FBRS: variants seen among roughly 807,000 people sequenced by gnomAD.
FBRS encodes fibrosin, also known as probable fibrosin-1.
Under a neutral mutation model 86.1 loss-of-function variants are expected in FBRS, and 15 were observed. The ratio of observed to expected loss-of-function variants is 0.17; its 90% CI spans 0.12 to 0.27. The LOEUF is 0.27. Ranked by LOEUF, FBRS falls within the 10% of genes least tolerant of loss-of-function variation. The pLI is 1.00. For missense variants in FBRS, 1,367 were observed against 1,301.6 expected (o/e 1.05, Z -0.77); for synonymous variants, 666 against 575.8 (o/e 1.16, Z -2.24).
chr16:30,663,360 G>A (rs761173011), intron 6 of FBRS, among the ~76,000 whole-genome samples: 1 of 152,164 alleles, frequency 6.6e-6, no homozygotes, highest in African/African-American at 2.4e-5. Flanking sequence ...CCCAAAGTGT[G>A]TACATTCAGC....
chr16:30,668,654 G>A lies in FBRS; in HGVS notation c.2158+11G>A, dbSNP rs778928405. On this transcript the variant is annotated intron_variant, in intron 16 of 17. Transcript: ENST00000356166. ...GCAGCCCCACATTCAGTGAGTGCGGGTGCGGTGGGGTGGGGGGGCTGCGGC... is the reference window on the plus strand; with the variant it reads ...GCAGCCCCACATTCAGTGAGTGCGGATGCGGTGGGGTGGGGGGGCTGCGGC... 2 of 1,596,982 alleles carry A rather than the reference G, an allele frequency of 1.3e-6. No homozygotes were observed. The highest frequency in any genetic ancestry group is 1.1e-5 in the South Asian group (1 of 90,606).
intron 6 of FBRS, chr16:30,663,233 T>G: frequency 5.1e-6 from 1 of 195,718 alleles, no homozygotes; most frequent in Non-Finnish European, 1.0e-5. Context: ...TGTGTGATTT[T>G]TGACAAGTCA....
chr16:30,661,467 T>TTTGGGAGGAACGGGGGTGGA (rs2052460907), intron 4 of FBRS, 134 bp downstream of exon 4: 6 of 1,508,314 alleles, frequency 4.0e-6, no homozygotes, highest in Admixed American at 4.1e-5. Context: ...GGATTAGGTT[T>TTTGGGAGGAACGGGGGTGGA]TTGGGAGGAA....
At chr16:30,667,086 G>A (rs1200966933) in intron 13 of FBRS, 96 bp downstream of exon 13, 2 of 1,277,192 alleles carry the variant, frequency 1.6e-6, no homozygotes, top group Non-Finnish European at 2.2e-6. Context: ...CAGAATCTTG[G>A]CCAGAAACAT....
Position 30,668,544 on chromosome 16 carries a change from C to G in FBRS, c.2075-16C>G. ...CGGCTGCCCAGTGCTCTGACCACCC[C>G]CCTTTCCTCCCACAGATCCCTTTGG... On this transcript the variant is annotated splice_polypyrimidine_tract_variant and intron_variant, in intron 15 of 17. Coordinates refer to ENST00000356166, the MANE Select transcript of FBRS (RefSeq NM_001105079.3). 6.2e-7 allele frequency: 1 copy of G among 1,606,092 alleles called. No homozygotes were observed. Among genetic ancestry groups the G allele is most frequent in the African/African-American group, 1.3e-5 (1 of 74,866 alleles).
chr16:30,662,393 ACT>A (rs768120661), intron 4 of FBRS, 25 bp from the exon 5 acceptor site: 29 of 1,549,184 alleles, frequency 1.9e-5, no homozygotes, highest in African/African-American at 4.1e-5. Flanking sequence ...CCACAACCTA[ACT>A]CTATCCCTTG....
chr16:30,665,556 G>A lies in FBRS; in HGVS notation c.1705-82G>A. On this transcript the variant is annotated intron_variant, in intron 10 of 17. Transcript: ENST00000356166. The surrounding 1 kb of genome is among the most constrained non-coding windows in gnomAD (Gnocchi z 4.1). ...TTCTCCAAAGCCATGATCCCTCCCT[G>A]CCCAGTGTCCCAGCTTGGTTCTGGA... 3 of 1,491,464 alleles carry A rather than the reference G, an allele frequency of 2.0e-6. No individual in the cohort carries two copies. The highest frequency in any genetic ancestry group is 2.7e-6 in the Non-Finnish European group (3 of 1,092,170). The allele number at this position is 1,491,464 out of a possible 1,614,324, so 92.4% of individuals were successfully genotyped here. A position where few individuals can be genotyped will look rare whatever the true frequency, so the allele number is the denominator to read the frequency against.
chr16:30,666,118 A>G, intron 11 of FBRS: 1 of 406,862 alleles, frequency 2.5e-6, no homozygotes, highest in African/African-American at 2.0e-5. Context: ...ACGTTGTGAA[A>G]CGCACAGGAC....
Position 30,661,226 on chromosome 16 carries a change from T to G in FBRS, c.675+11T>G. 2 of 1,550,794 alleles carry G rather than the reference T, an allele frequency of 1.3e-6. 1 individual carries two copies. The highest frequency in any genetic ancestry group is 2.4e-5 in the South Asian group (2 of 84,066). On this transcript the variant is annotated intron_variant, in intron 3 of 17. Coordinates refer to ENST00000356166, the MANE Select transcript of FBRS (RefSeq NM_001105079.3). ...GAAGCTGGATACATAGTAAGTGCTA[T>G]CCACCTGTCCTGGCCCCTCCCTGCT...
Position 30,666,904 on chromosome 16 carries a change from CT to C in FBRS, c.1804-13del. The C allele has an allele frequency of 8.1e-6, 13 of 1,610,234 alleles. No homozygotes were observed. Among genetic ancestry groups the C allele is most frequent in the Non-Finnish European group, 1.1e-5 (13 of 1,178,296 alleles). The stretch of plus-strand genomic sequence containing the variant: ...TTCCTTCCCTTTCCCTTTGGTCATC[CT>C]TCTGGGGCGGCAGAAACCAGGGAAG... On this transcript the variant is annotated splice_polypyrimidine_tract_variant and intron_variant, in intron 12 of 17. Coordinates refer to ENST00000356166, the MANE Select transcript of FBRS (RefSeq NM_001105079.3).
chr16:30,663,980 G>A (rs1268705785), intron 6 of FBRS, among the ~76,000 whole-genome samples: 1 of 152,186 alleles, frequency 6.6e-6, no homozygotes, highest in Non-Finnish European at 1.5e-5. Flanking sequence ...GCCAGAGATG[G>A]CAGAGGCAGC....
chr16:30,660,996 G>C (rs2052453042), intron 2 of FBRS, among the ~76,000 whole-genome samples, 184 bp from the exon 3 acceptor site: 1 of 152,210 alleles, frequency 6.6e-6, no homozygotes, highest in Non-Finnish European at 1.5e-5. Flanking sequence ...GAAGACGTGA[G>C]GACCCGGCGT....
intron 15 of FBRS, 140 bp downstream of exon 15, chr16:30,667,762 C>A (rs541872105): frequency 7.5e-6 from 5 of 667,268 alleles, no homozygotes; most frequent in Non-Finnish European, 4.7e-6. Context: ...TACTCTACCC[C>A]CTCTGAGCCT....
chr16:30,665,821 C>T lies in FBRS; in HGVS notation c.1773+115C>T. The T allele has an allele frequency of 3.9e-6, 4 of 1,022,132 alleles. No homozygotes were observed. Among genetic ancestry groups the T allele is most frequent in the Non-Finnish European group, 5.8e-6 (4 of 689,628 alleles). 63.3% of individuals were successfully genotyped at this position (1,022,132 alleles called of 1,614,324 possible). A position where few individuals can be genotyped will look rare whatever the true frequency, so the allele number is the denominator to read the frequency against. On this transcript the variant is annotated intron_variant, in intron 11 of 17. Coordinates refer to ENST00000356166, the MANE Select transcript of FBRS (RefSeq NM_001105079.3). The surrounding 1 kb of genome is among the most constrained non-coding windows in gnomAD (Gnocchi z 4.1). ...TCCCTTGAATTCACAATCGGGTGTT[C>T]CTGGGTGTCTAATAGAGAGGGAATT... is the stretch of plus-strand genomic sequence containing the variant.
At chr16:30,664,566 G>T in intron 7 of FBRS, 50 bp downstream of exon 7, 1 of 1,426,900 alleles carries the variant, frequency 7.0e-7, no homozygotes, top group Non-Finnish European at 9.1e-7. Context: ...CCCCGGGCTC[G>T]GGCCCAGTTG....
In FBRS at chr16:30,664,398, G is replaced by A; in HGVS notation, c.1239G>A (p.Arg413=). ...STHSFPPPGL[R]PPPPPHHPSL... ...ACAGCTTTCCCCCTCCCGGGCTGCG[G>A]CCCCCCCCACCACCCCACCACCCCT... The change falls in exon 7 of 18, where the codon CGG becomes CGA. Residue 413 remains arginine, a synonymous_variant. Coordinates refer to ENST00000356166, the MANE Select transcript of FBRS (RefSeq NM_001105079.3). 1 of 1,376,502 alleles carries A rather than the reference G, an allele frequency of 7.3e-7. No homozygotes were observed. Among genetic ancestry groups the A allele is most frequent in the Non-Finnish European group, 9.7e-7 (1 of 1,026,074 alleles). 85.3% of individuals were successfully genotyped at this position (1,376,502 alleles called of 1,614,324 possible).
At position 30,669,072 on chromosome 16, in the gene FBRS, C is replaced by A. The variant is rs757017507; in HGVS notation, c.2370C>A (p.Asp790Glu). 1 of 1,598,736 alleles carries A rather than the reference C, an allele frequency of 6.3e-7. No homozygotes were observed. The highest frequency in any genetic ancestry group is 8.5e-7 in the Non-Finnish European group (1 of 1,174,112). Residue 790 changes from aspartate (D) to glutamate (E), a missense_variant, in exon 18 of 18, where the codon GAC becomes GAA. This residue lies in a region of FBRS where 659 missense variants were observed against 678.8 expected (regional missense o/e 0.97). Coordinates refer to ENST00000356166, the MANE Select transcript of FBRS (RefSeq NM_001105079.3). This position sits in a 1 kb window ranked among gnomAD's most constrained non-coding sequence, Gnocchi z 5.9. ...PSITKEEKDR[D>E]LPFSRPQLRV... Reference sequence around the variant, plus strand: ...TCTCCCCACGCCTGCCCTCCAGGGACCTCCCCTTCTCACGGCCCCAGCTCC... The same window carrying A: ...TCTCCCCACGCCTGCCCTCCAGGGAACTCCCCTTCTCACGGCCCCAGCTCC...
chr16:30,670,006 C>T lies in FBRS; in HGVS notation c.*361C>T. Reference sequence around the variant, plus strand: ...ACTAAGCCAGAGGCCAAAGTGCCCCCTCCCGTTCACCTACCACCCAAGTCC... The same window carrying T: ...ACTAAGCCAGAGGCCAAAGTGCCCCTTCCCGTTCACCTACCACCCAAGTCC... On this transcript the variant is annotated 3_prime_UTR_variant, in exon 18 of 18. Coordinates refer to ENST00000356166, the MANE Select transcript of FBRS (RefSeq NM_001105079.3). 1 of 514,654 alleles carries T rather than the reference C, an allele frequency of 1.9e-6. No individual in the cohort carries two copies. The highest frequency in any genetic ancestry group is 3.7e-6 in the Non-Finnish European group (1 of 270,610). 31.9% of individuals were successfully genotyped at this position (514,654 alleles called of 1,614,324 possible).
Position 30,667,368 on chromosome 16 carries a change from C to A in FBRS, c.1924C>A (p.Pro642Thr). ...DFRNDLLPCL[P>T]GPYGALPPGQ... ...TCGGAATGACCTCCTGCCCTGCCTT[C>A]CGGGGCCCTATGGGGCCCTGCCCCC... Residue 642 changes from proline to threonine, a missense_variant, in exon 14 of 18, where the codon CCG becomes ACG. By Grantham distance (38) the Pro-to-Thr change is conservative. Around this residue, in one of 3 missense-constraint regions of FBRS, gnomAD observed 659 missense variants for 678.8 expected, o/e 0.97. Transcript: ENST00000356166. 6.4e-7 allele frequency: 1 copy of A among 1,554,032 alleles called. No homozygotes were observed. The highest frequency in any genetic ancestry group is 8.7e-7 in the Non-Finnish European group (1 of 1,148,322).
Sources: allele counts gnomAD v4.1 joint callset (sites outside exome capture counted in the v4.1 genomes callset), GRCh38; gene constraint gnomAD v4.1.1; regional missense constraint gnomAD v4.1.1; non-coding constraint Gnocchi (gnomAD v3.1); transcripts MANE v1.5; gene names NCBI Gene and HGNC (gene_info 2026-07-23, HGNC 2026-07-21).